MGLL: variants seen among roughly 807,000 people sequenced by gnomAD.
MGLL encodes monoglyceride lipase, also known as lysophospholipase homolog.
In MGLL, 7 loss-of-function variants were observed where a neutral mutation model predicts 29.1. The observed-to-expected ratio is 0.24, with a 90% CI of 0.14 to 0.45. MGLL has a LOEUF of 0.45. Ranked by LOEUF, MGLL falls within the 20% of genes least tolerant of loss-of-function variation. The pLI is 0.99. For synonymous variants in MGLL, 148 were observed against 168.3 expected, an observed-to-expected ratio of 0.88 and a Z score of 0.93; for missense variants, 356 against 413.6, an observed-to-expected ratio of 0.86 and a Z score of 1.21.
rs1446112827 is a variant in MGLL, at chr3:127,695,068, G to A, written c.723C>T (p.Phe241=). The A allele has an allele frequency of 1.2e-6, 2 of 1,614,158 alleles. No individual in the cohort carries two copies. Among genetic ancestry groups the A allele is most frequent in the East Asian group, 2.2e-5 (1 of 44,876 alleles). ...GATCGGCAGAGCCCTGGAGCAGCAG[G>A]AAGGGCACAGTCAGCTTGGGGAGGG... ...ERALPKLTVP[F]LLLQGSADRL... The change falls in exon 7 of 8, where the codon TTC becomes TTT. Residue 241 remains phenylalanine (F), a synonymous_variant. Coordinates refer to ENST00000265052, the MANE Select transcript of MGLL (RefSeq NM_007283.7).
At chr3:127,799,668 C>T (rs2077443325) in intron 2 of MGLL, among the ~76,000 whole-genome samples, 1 of 152,194 alleles carries the variant, frequency 6.6e-6, no homozygotes, top group Non-Finnish European at 1.5e-5. Flanking sequence ...GTCTCATCTC[C>T]CGGCTGTGCC....
intron 6 of MGLL, among the ~76,000 whole-genome samples, chr3:127,700,683 A>G (rs1356671101): frequency 1.3e-5 from 2 of 152,240 alleles, no homozygotes; most frequent in Non-Finnish European, 2.9e-5. Flanking sequence ...AGAGGCCAGC[A>G]CAGACCTCAC....
intron 3 of MGLL, among the ~76,000 whole-genome samples, chr3:127,780,353 T>C (rs1358990692): frequency 2.6e-5 from 4 of 152,154 alleles, no homozygotes; most frequent in Non-Finnish European, 5.9e-5. Flanking sequence ...ATAACGATGA[T>C]GAGTGTAACA....
intron 3 of MGLL, among the ~76,000 whole-genome samples, chr3:127,740,973 C>T (rs944473532): frequency 6.6e-6 from 1 of 152,202 alleles, no homozygotes. Context: ...TGCCTGGCCC[C>T]AGCCAGCAGG....
chr3:127,753,857 C>T (rs922918472), intron 3 of MGLL, among the ~76,000 whole-genome samples: 7 of 152,322 alleles, frequency 4.6e-5, no homozygotes, highest in Admixed American at 1.3e-4. Context: ...AGGTCTCCAC[C>T]GGCCCTACAG....
At chr3:127,716,556 C>A (rs2075818974) in intron 5 of MGLL, among the ~76,000 whole-genome samples, 1 of 152,264 alleles carries the variant, frequency 6.6e-6, no homozygotes, top group Non-Finnish European at 1.5e-5. Flanking sequence ...TCTTGATGAG[C>A]AAGAGGCTTG....
rs2076771587 is a variant in MGLL at position 127,761,870 on chromosome 3, A to G, written c.262+19919T>C. Among the ~76,000 whole-genome samples, 3 of 152,010 alleles carry G rather than the reference A, an allele frequency of 2.0e-5. No homozygotes were observed. Among genetic ancestry groups the G allele is most frequent in the Admixed American group, 2.0e-4 (3 of 15,274 alleles). ...AGTGCACCCAGCGCACTTGCCGGGG[A>G]GTTGTGACTGCATCTGAGGATCCCA... On this transcript the variant is annotated intron_variant, in intron 3 of 7. Coordinates refer to ENST00000265052, the MANE Select transcript of MGLL (RefSeq NM_007283.7). The surrounding 1 kb of genome is among the most constrained non-coding windows in gnomAD (Gnocchi z 4.6).
chr3:127,765,243 C>T (rs1576566871), intron 3 of MGLL, among the ~76,000 whole-genome samples: 1 of 152,200 alleles, frequency 6.6e-6, no homozygotes, highest in African/African-American at 2.4e-5. Context: ...CTCATTTAAA[C>T]ACTTCAGAAA....
intron 3 of MGLL, among the ~76,000 whole-genome samples, chr3:127,742,099 T>G (rs1317365278): frequency 6.6e-6 from 1 of 152,226 alleles, no homozygotes; most frequent in African/African-American, 2.4e-5. Flanking sequence ...ATACGAATAT[T>G]TTCATGAGTT....
chr3:127,724,068 C>T (rs1042702841), intron 3 of MGLL, among the ~76,000 whole-genome samples: 1 of 152,176 alleles, frequency 6.6e-6, no homozygotes, highest in Non-Finnish European at 1.5e-5. Flanking sequence ...GAAACCAACC[C>T]TGCTGATGCC....
chr3:127,743,406 C>T (rs1262485350), intron 3 of MGLL, among the ~76,000 whole-genome samples: 2 of 151,850 alleles, frequency 1.3e-5, no homozygotes, highest in African/African-American at 4.8e-5. Flanking sequence ...TATGCTCCTG[C>T]GACATCCAAT....
intron 3 of MGLL, among the ~76,000 whole-genome samples, chr3:127,726,332 AAG>A (rs2076046539): frequency 6.6e-6 from 1 of 151,756 alleles, no homozygotes; most frequent in Non-Finnish European, 1.5e-5. Context: ...GAAAGAAAGA[AAG>A]AGGAAAGAAA....
At chr3:127,737,253 C>T (rs1203542172) in intron 3 of MGLL, among the ~76,000 whole-genome samples, 6 of 151,184 alleles carry the variant, frequency 4.0e-5, no homozygotes, top group Non-Finnish European at 7.4e-5. Context: ...ACCATCCATT[C>T]CCTCCCTCAC....
intron 6 of MGLL, among the ~76,000 whole-genome samples, chr3:127,705,643 G>T (rs747172670): frequency 8.6e-5 from 13 of 151,954 alleles, no homozygotes; most frequent in Non-Finnish European, 1.2e-4. Flanking sequence ...TGGTGTGGTG[G>T]CACGCGCCTG....
At chr3:127,804,688 CA>C (rs2077535611) in intron 2 of MGLL, among the ~76,000 whole-genome samples, 1 of 152,118 alleles carries the variant, frequency 6.6e-6, no homozygotes, top group South Asian at 2.1e-4. Flanking sequence ...GTTTTATTGA[CA>C]ATAACCAAAT....
intron 3 of MGLL, among the ~76,000 whole-genome samples, chr3:127,737,353 C>T (rs145085578): frequency 5.3e-5 from 8 of 151,870 alleles, no homozygotes; most frequent in African/African-American, 1.9e-4. Context: ...TTCCTGAAGG[C>T]TCAGCCTCGT....
At chr3:127,717,404 G>A (rs974123332) in intron 5 of MGLL, among the ~76,000 whole-genome samples, 7 of 152,212 alleles carry the variant, frequency 4.6e-5, no homozygotes, top group African/African-American at 1.4e-4. Context: ...AAGCTGACTC[G>A]AGCAAGACAT....
At chr3:127,755,042 T>C (rs2076634844) in intron 3 of MGLL, among the ~76,000 whole-genome samples, 1 of 152,074 alleles carries the variant, frequency 6.6e-6, no homozygotes, top group Admixed American at 6.5e-5. Flanking sequence ...ATTTTTTGGT[T>C]CTGCACAGTC....
chr3:127,722,630 A>G, intron 3 of MGLL, 64 bp from the exon 4 acceptor site: 1 of 1,606,856 alleles, frequency 6.2e-7, no homozygotes, highest in Admixed American at 1.7e-5. Flanking sequence ...ACAAGCCCAG[A>G]GTTCTCCTCA....
Sources: gnomAD v4.1 joint callset for allele counts (sites outside exome capture counted in the v4.1 genomes callset) on GRCh38, gnomAD v4.1.1 for gene constraint, Gnocchi (gnomAD v3.1) non-coding constraint, MANE v1.5 for transcripts, NCBI Gene and HGNC (gene_info 2026-07-23, HGNC 2026-07-21) for gene names.